NELL1: variants seen among roughly 807,000 people sequenced by gnomAD.
The protein encoded by NELL1 is protein kinase C-binding protein NELL1.
In NELL1, 76 loss-of-function variants were observed where a neutral mutation model predicts 107.4. That is an observed-to-expected ratio of 0.71 (90% CI 0.59 to 0.86). The LOEUF (loss-of-function observed/expected upper bound fraction) is 0.86. Ranked by LOEUF, NELL1 falls within the 40% of genes least tolerant of loss-of-function variation. The probability of loss-of-function intolerance (pLI) is 0.00; values close to 1 mark genes in which losing one functional copy is unlikely to be tolerated. For missense variants in NELL1, 1,024 were observed against 1,005.5 expected, an observed-to-expected ratio of 1.02 and a Z score of -0.25; for synonymous variants, 353 against 341.2, an observed-to-expected ratio of 1.03 and a Z score of -0.38.
intron 12 of NELL1, among the ~76,000 whole-genome samples, chr11:20,995,503 A>G (rs1359948272): frequency 1.3e-5 from 2 of 152,058 alleles, no homozygotes; most frequent in East Asian, 1.9e-4. Flanking sequence ...GCTTGACCCC[A>G]GGAAGCGGAG....
chr11:21,482,823 C>T (rs1174613557), intron 15 of NELL1, among the ~76,000 whole-genome samples: 2 of 151,376 alleles, frequency 1.3e-5, no homozygotes, highest in South Asian at 2.1e-4. Flanking sequence ...GTTTGTTTTT[C>T]CCCCCAAGGA....
At chr11:21,127,564 A>G (rs1301723812) in intron 13 of NELL1, among the ~76,000 whole-genome samples, 1 of 151,996 alleles carries the variant, frequency 6.6e-6, no homozygotes, top group Non-Finnish European at 1.5e-5. Flanking sequence ...TCAGTGAGCT[A>G]TGATCCGAGA....
At position 20,958,221 on chromosome 11, in the gene NELL1, A is replaced by T. The variant is rs1294995872; in HGVS notation, c.1172-2211A>T. On this transcript the variant is annotated intron_variant, in intron 11 of 19. Transcript: ENST00000357134. ...TCGCTTGAGCCTAGGAGTTTGAGAC[A>T]AGCCTGGGCAACATAGTGAGACTTC... Among the ~76,000 whole-genome samples the T allele has an allele frequency of 2.0e-5, 3 of 151,950 alleles. No individual in the cohort carries two copies. The East Asian group carries it at 5.8e-4, about 29-fold the overall frequency.
chr11:21,453,621 T>G (rs1853643121), intron 15 of NELL1, among the ~76,000 whole-genome samples: 1 of 152,082 alleles, frequency 6.6e-6, no homozygotes, highest in Non-Finnish European at 1.5e-5. Flanking sequence ...TTAGGCTATT[T>G]GCATTTAATA....
At chr11:20,707,879 A>G (rs1482950627) in intron 2 of NELL1, among the ~76,000 whole-genome samples, 1 of 152,192 alleles carries the variant, frequency 6.6e-6, no homozygotes, top group East Asian at 1.9e-4. Context: ...AAGCTGTCAG[A>G]CAGGGACGTT....
chr11:21,340,959 A>G (rs1850550760), intron 14 of NELL1, among the ~76,000 whole-genome samples: 3 of 152,164 alleles, frequency 2.0e-5, no homozygotes, highest in East Asian at 1.9e-4. Context: ...TACTTCTCAC[A>G]TTCTCTTATT....
chr11:20,938,815 C>A (rs11025820), intron 10 of NELL1, among the ~76,000 whole-genome samples: 4,611 of 152,080 alleles, frequency 0.03, 85 homozygotes, highest in Non-Finnish European at 0.049. Flanking sequence ...AGAGATGAAC[C>A]TGGACAGTTA....
intron 14 of NELL1, among the ~76,000 whole-genome samples, chr11:21,354,546 T>A (rs1259139935): frequency 6.6e-6 from 1 of 152,172 alleles, no homozygotes; most frequent in East Asian, 1.9e-4. Flanking sequence ...CTATCTAACT[T>A]TTCTCCTTTC....
chr11:20,981,660 G>A (rs929314270), intron 12 of NELL1, among the ~76,000 whole-genome samples: 10 of 152,076 alleles, frequency 6.6e-5, no homozygotes, highest in African/African-American at 2.2e-4. Flanking sequence ...ATTTGCCTTG[G>A]CCCTATTTCT....
intron 4 of NELL1, among the ~76,000 whole-genome samples, chr11:20,866,427 G>A (rs533475184): frequency 3.3e-5 from 5 of 152,324 alleles, no homozygotes; most frequent in African/African-American, 1.2e-4. Flanking sequence ...TTAGACTCTG[G>A]TAAGATGGAC....
At chr11:21,278,457 G>A (rs188418900) in intron 14 of NELL1, among the ~76,000 whole-genome samples, 2 of 152,108 alleles carry the variant, frequency 1.3e-5, no homozygotes, top group East Asian at 1.9e-4. Flanking sequence ...CAGAATATAA[G>A]GTTAATGTAC....
chr11:20,753,731 A>C (rs1458679315), intron 2 of NELL1, among the ~76,000 whole-genome samples: 1 of 152,192 alleles, frequency 6.6e-6, no homozygotes, highest in Non-Finnish European at 1.5e-5. Flanking sequence ...CAATGATGTC[A>C]TCATGGCTTA....
chr11:20,728,898 G>C (rs1039700076), intron 2 of NELL1, among the ~76,000 whole-genome samples: 3 of 152,160 alleles, frequency 2.0e-5, no homozygotes, highest in African/African-American at 7.2e-5. Flanking sequence ...GCTCTGGGCA[G>C]TATGGCCATG....
At chr11:21,142,346 T>A (rs528007100) in intron 13 of NELL1, among the ~76,000 whole-genome samples, 76 of 152,372 alleles carry the variant, frequency 5.0e-4, no homozygotes, top group African/African-American at 1.8e-3. Flanking sequence ...CCTGCAGGCA[T>A]GCCTTCCTGT....
chr11:20,720,289 C>T (rs1855350423), intron 2 of NELL1, among the ~76,000 whole-genome samples: 1 of 150,548 alleles, frequency 6.6e-6, no homozygotes, highest in East Asian at 2.0e-4. Context: ...CTCACTGCAA[C>T]CTCTGCCTGC....
At chr11:20,688,372 C>T (rs1453590665) in intron 2 of NELL1, among the ~76,000 whole-genome samples, 2 of 152,070 alleles carry the variant, frequency 1.3e-5, no homozygotes, top group African/African-American at 4.8e-5. Flanking sequence ...TCAACCCTTA[C>T]CCATCAATAT....
intron 3 of NELL1, among the ~76,000 whole-genome samples, chr11:20,804,872 G>A (rs922409073): frequency 7.9e-5 from 12 of 152,004 alleles, no homozygotes; most frequent in Admixed American, 2.0e-4. Flanking sequence ...CTGAAAGTAC[G>A]GTGTTCAAGT....
intron 15 of NELL1, among the ~76,000 whole-genome samples, chr11:21,431,427 A>G (rs4572135): frequency 0.34 from 51,001 of 152,008 alleles, 9,219 homozygotes; most frequent in African/African-American, 0.45. Context: ...TGTTTTGTTC[A>G]CTAATATTTC....
chr11:21,560,049 T>C (rs1023142792), intron 16 of NELL1, 140 bp from the exon 17 acceptor site: 45 of 758,774 alleles, frequency 5.9e-5, no homozygotes, highest in Middle Eastern at 3.2e-4. Flanking sequence ...GTAAATGAGA[T>C]AATACATGTG....
Sources: gnomAD v4.1 joint callset for allele counts (sites outside exome capture counted in the v4.1 genomes callset) on GRCh38, gnomAD v4.1.1 for gene constraint, MANE v1.5 for transcripts, NCBI Gene and HGNC (gene_info 2026-07-23, HGNC 2026-07-21) for gene names.